Variants in HYDIN observed in about 807,000 individuals in gnomAD.
HYDIN encodes axonemal central pair apparatus protein HYDIN.
A neutral mutation model predicts 403.9 loss-of-function variants in HYDIN; 132 were observed. The ratio of observed to expected loss-of-function variants is 0.33; its 90% CI spans 0.28 to 0.38. The LOEUF is 0.38. Among genes scored for constraint, HYDIN ranks in the 10% least tolerant of loss-of-function variants. The pLI is 1.00. For synonymous variants in HYDIN, 1,202 were observed against 1,891.7 expected (o/e 0.64, Z 9.46); for missense variants, 2,827 against 5,009.5 (o/e 0.56, Z 13.15).
rs749735559 is a variant in HYDIN, at chr16:70,809,830, C to G, written c.14836G>C (p.Val4946Leu). ...TVLGSSQIILVKFINYTRQRT... is the reference protein window; with the variant it reads ...TVLGSSQIILLKFINYTRQRT... ...TGCCGTGTGTAATTGATGAACTTCA[C>G]AAGGATGATTTGGCTGCTGCCAAGG... Residue 4946 changes from valine (V) to leucine (L), a missense_variant, in exon 85 of 86, where the codon GTG becomes CTG. Val to Leu is a conservative substitution (Grantham distance 32, BLOSUM62 1). Coordinates refer to ENST00000393567, the MANE Select transcript of HYDIN (RefSeq NM_001270974.2). 39 of 1,614,190 alleles carry G rather than the reference C, an allele frequency of 2.4e-5. No individual in the cohort carries two copies. Among genetic ancestry groups the G allele is most frequent in the Non-Finnish European group, 3.3e-5 (39 of 1,180,040 alleles).
Position 70,804,896 on chromosome 16 carries a change from T to G in HYDIN, c.*2684A>C, listed in dbSNP as rs1052477502. On this transcript the variant is annotated 3_prime_UTR_variant, in exon 86 of 86. Transcript: ENST00000393567. Reference sequence around the variant, plus strand: ...GGAAGCACTGGAACAGGTCTGAAGTTGGGGGAGTTGCCCCTAGCCACCCCA... The same window carrying G: ...GGAAGCACTGGAACAGGTCTGAAGTGGGGGGAGTTGCCCCTAGCCACCCCA... 3.9e-5 allele frequency among the ~76,000 whole-genome samples: 6 copies of G among 152,206 alleles called. No homozygotes were observed. The East Asian group carries it at 1.2e-3, about 29-fold the overall frequency.
intron 65 of HYDIN, among the ~76,000 whole-genome samples, chr16:70,871,426 C>T (rs2040092114): frequency 6.6e-6 from 1 of 152,128 alleles, no homozygotes; most frequent in South Asian, 2.1e-4. Context: ...AAAGCAACCA[C>T]TGGCCAGAGG....
chr16:71,042,419 T>C (rs1263481465), intron 18 of HYDIN, among the ~76,000 whole-genome samples: 2 of 152,110 alleles, frequency 1.3e-5, no homozygotes. Flanking sequence ...TTTTTCCCCA[T>C]GGTAAATAAT....
chr16:71,080,899 C>T (rs943576665), intron 12 of HYDIN: 7 of 151,456 alleles, frequency 4.6e-5, no homozygotes, highest in Non-Finnish European at 1.0e-4. Context: ...AGAACTCAAC[C>T]TGGCTTTGAA....
intron 81 of HYDIN, among the ~76,000 whole-genome samples, chr16:70,828,840 C>T (rs1230570275): frequency 2.0e-5 from 3 of 150,142 alleles, no homozygotes; most frequent in African/African-American, 4.9e-5. Flanking sequence ...ACTGCTATAC[C>T]GTAAAGTGAA....
chr16:70,949,456 A>C (rs1337151093), intron 41 of HYDIN, among the ~76,000 whole-genome samples: 1 of 152,182 alleles, frequency 6.6e-6, no homozygotes, highest in Non-Finnish European at 1.5e-5. Context: ...CTTAAAGTAT[A>C]ATAATAAAAA....
At chr16:71,228,196 AC>A (rs2041124828) in intron 1 of HYDIN, among the ~76,000 whole-genome samples, 1 of 151,468 alleles carries the variant, frequency 6.6e-6, no homozygotes, top group African/African-American at 2.4e-5. Flanking sequence ...TAGACCTAAA[AC>A]CATAAAAACC....
At chr16:71,102,211 A>G (rs1353730914) in intron 10 of HYDIN, among the ~76,000 whole-genome samples, 2 of 151,988 alleles carry the variant, frequency 1.3e-5, no homozygotes, top group Non-Finnish European at 2.9e-5. Flanking sequence ...CTCTGCAGGA[A>G]ACAGAAGGAC....
intron 1 of HYDIN, among the ~76,000 whole-genome samples, chr16:71,205,294 G>A (rs940287981): frequency 1.3e-5 from 2 of 152,182 alleles, no homozygotes; most frequent in East Asian, 1.9e-4. Flanking sequence ...GCAAAGCTGC[G>A]CACCAGCCTG....
At chr16:70,885,494 A>G (rs2041075209) in intron 58 of HYDIN, among the ~76,000 whole-genome samples, 1 of 152,030 alleles carries the variant, frequency 6.6e-6, no homozygotes, top group Non-Finnish European at 1.5e-5. Flanking sequence ...TAGTGAGGGC[A>G]AAGAACAGCT....
intron 18 of HYDIN, among the ~76,000 whole-genome samples, chr16:71,048,187 C>T (rs1238042279): frequency 6.6e-6 from 1 of 151,308 alleles, no homozygotes; most frequent in African/African-American, 2.4e-5. Context: ...TCTTTTTACG[C>T]CTGAGTAGTA....
At chr16:70,830,810 T>G (rs1463212211) in intron 80 of HYDIN, among the ~76,000 whole-genome samples, 1 of 152,170 alleles carries the variant, frequency 6.6e-6, no homozygotes, top group Non-Finnish European at 1.5e-5. Context: ...CAGGTTTCAG[T>G]GAGAGATCGG....
chr16:71,069,274 G>A lies in HYDIN; in HGVS notation c.1967C>T (p.Ala656Val). Residue 656 changes from alanine to valine, a missense_variant, in exon 14 of 86, where the codon GCT becomes GTT. Coordinates refer to ENST00000393567, the MANE Select transcript of HYDIN (RefSeq NM_001270974.2). ...CGTIRPQGFA[A>V]IRVTLCSNTV... is the part of the protein sequence containing the mutation. Reference sequence around the variant, plus strand: ...GAAGGCCATGCACTTTACCCTGATAGCAGCAAATCCCTGGGGGCGAATGGT... The same window carrying A: ...GAAGGCCATGCACTTTACCCTGATAACAGCAAATCCCTGGGGGCGAATGGT... The A allele has an allele frequency of 6.2e-7, 1 of 1,612,756 alleles. No individual in the cohort carries two copies. The highest frequency in any genetic ancestry group is 8.5e-7 in the Non-Finnish European group (1 of 1,179,572).
At chr16:70,898,651 A>G (rs1231552253) in intron 53 of HYDIN, among the ~76,000 whole-genome samples, 1 of 152,192 alleles carries the variant, frequency 6.6e-6, no homozygotes, top group Non-Finnish European at 1.5e-5. Flanking sequence ...AAGGCAGAAC[A>G]GGCTGCTTTA....
In HYDIN at chr16:71,070,467, C is replaced by T. The variant is rs184562814; in HGVS notation, c.1739-965G>A. Among the ~76,000 whole-genome samples, 470 of 149,300 alleles carry T rather than the reference C, an allele frequency of 3.1e-3. 4 individuals are homozygous for T. Among genetic ancestry groups the T allele is most frequent in the Admixed American group, 5.0e-3 (75 of 14,956 alleles). On this transcript the variant is annotated intron_variant, in intron 13 of 85. Coordinates refer to ENST00000393567, the MANE Select transcript of HYDIN (RefSeq NM_001270974.2). ...CTGAGTAGCTGGGATTACAGGTGTG[C>T]GCCACCATGCACCACCACGCCCATC... is the stretch of plus-strand genomic sequence containing the variant.
rs1365032394 is a variant in HYDIN, at chr16:70,892,389, A to C, written c.9389T>G (p.Ile3130Ser). 6.4e-7 allele frequency: 1 copy of C among 1,572,028 alleles called. No individual in the cohort carries two copies. The change falls in exon 56 of 86, where the codon ATT becomes AGT. Residue 3130 changes from isoleucine to serine, a missense_variant. Coordinates refer to ENST00000393567, the MANE Select transcript of HYDIN (RefSeq NM_001270974.2). Reference protein sequence around the residue: ...VFFHAKKEVKIEHQPVLRCQI... With the variant: ...VFFHAKKEVKSEHQPVLRCQI... ...ACAGCGCAGAACAGGCTGGTGCTCA[A>C]TCTTCACTTCCTTTTTTGCATGGAA... is the stretch of plus-strand genomic sequence containing the variant.
intron 72 of HYDIN, 49 bp from the exon 73 acceptor site, chr16:70,855,324 G>A (rs1353509201): frequency 9.1e-7 from 1 of 1,102,960 alleles, no homozygotes; most frequent in Non-Finnish European, 1.3e-6. Flanking sequence ...ACTGCCTGCT[G>A]GAGTCTCTCA....
chr16:70,972,754 G>A (rs1214410948), intron 35 of HYDIN, among the ~76,000 whole-genome samples: 1 of 152,214 alleles, frequency 6.6e-6, no homozygotes, highest in African/African-American at 2.4e-5. Flanking sequence ...AGTAAACACA[G>A]TGCATATACC....
At chr16:71,212,444 A>C (rs1048675420) in intron 1 of HYDIN, among the ~76,000 whole-genome samples, 2 of 152,184 alleles carry the variant, frequency 1.3e-5, no homozygotes. Context: ...CTATTATTTC[A>C]AGTTTTCTTT....
Sources: allele counts gnomAD v4.1 joint callset (sites outside exome capture counted in the v4.1 genomes callset), GRCh38; gene constraint gnomAD v4.1.1; transcripts MANE v1.5; gene names NCBI Gene and HGNC (gene_info 2026-07-23, HGNC 2026-07-21).